BICRA: variants seen among roughly 807,000 people sequenced by gnomAD.
BICRA encodes the protein BRD4-interacting chromatin-remodeling complex-associated protein.
In BICRA, 31 loss-of-function variants were observed where a neutral mutation model predicts 96.9. The ratio of observed to expected loss-of-function variants is 0.32; its 90% CI spans 0.24 to 0.43. BICRA has a LOEUF of 0.43. BICRA is among the 20% of genes least tolerant of loss of function. The pLI is 1.00. For synonymous variants in BICRA, 1,350 were observed against 1,071.8 expected (o/e 1.26, Z -5.07); for missense variants, 2,283 against 2,190.3 (o/e 1.04, Z -0.84).
At chr19:47,649,957 C>T (rs1972517531) in intron 1 of BICRA, among the ~76,000 whole-genome samples, 1 of 151,780 alleles carries the variant, frequency 6.6e-6, no homozygotes. Context: ...CAGTTTTTGC[C>T]ATTACTTTTT....
Position 47,694,098 on chromosome 19 carries a change from C to G in BICRA, c.2284-17C>G. The G allele has an allele frequency of 7.0e-7, 1 of 1,425,898 alleles. No homozygotes were observed. The highest frequency in any genetic ancestry group is 9.2e-7 in the Non-Finnish European group (1 of 1,090,786). 88.3% of individuals were successfully genotyped at this position (1,425,898 alleles called of 1,614,324 possible). Reference sequence around the variant, plus strand: ...TCTGACCCCCGCCCCTCCCCTCTCCCTCCCTCCCCTGCCCAGATCCCGGCA... The same window carrying G: ...TCTGACCCCCGCCCCTCCCCTCTCCGTCCCTCCCCTGCCCAGATCCCGGCA... On this transcript the variant is annotated splice_polypyrimidine_tract_variant and intron_variant, in intron 7 of 14. Transcript: ENST00000594866.
chr19:47,691,531 C>T (rs576450044), intron 7 of BICRA, among the ~76,000 whole-genome samples: 1 of 152,158 alleles, frequency 6.6e-6, no homozygotes, highest in Non-Finnish European at 1.5e-5. Context: ...CCATTATACC[C>T]GTTTGCCCCT....
intron 1 of BICRA, among the ~76,000 whole-genome samples, chr19:47,655,733 G>A (rs1275967760): frequency 2.0e-5 from 3 of 148,212 alleles, no homozygotes; most frequent in African/African-American, 7.5e-5. Context: ...GCGGGCACCT[G>A]TAATCCCAGC....
intron 6 of BICRA, 147 bp downstream of exon 6, chr19:47,681,423 T>A: frequency 1.3e-6 from 1 of 742,314 alleles, no homozygotes; most frequent in Non-Finnish European, 2.2e-6. Context: ...AGGTGGCCCC[T>A]AAGAGGAGGC....
chr19:47,691,203 C>T (rs1973236262), intron 7 of BICRA, among the ~76,000 whole-genome samples: 1 of 152,238 alleles, frequency 6.6e-6, no homozygotes, highest in Admixed American at 6.5e-5. Context: ...CTCAGTGGGC[C>T]TCTCCAAAGG....
chr19:47,615,405 A>C (rs1216717237), intron 1 of BICRA, among the ~76,000 whole-genome samples: 1 of 152,124 alleles, frequency 6.6e-6, no homozygotes, highest in Admixed American at 6.6e-5. Flanking sequence ...CTTGTGTCTG[A>C]TGACCTCCTT....
intron 1 of BICRA, among the ~76,000 whole-genome samples, chr19:47,631,105 T>G (rs2123522762): frequency 6.6e-6 from 1 of 152,294 alleles, no homozygotes; most frequent in Non-Finnish European, 1.5e-5. Flanking sequence ...CTTTTGCCCA[T>G]TCTGGAGTGC....
At chr19:47,608,559 G>A (rs1045570746), upstream of BICRA, 1 of 152,186 alleles carries the variant, frequency 6.6e-6, no homozygotes, top group Non-Finnish European at 1.5e-5. Context: ...CGGCGGTCTG[G>A]GAGCGCGGAT....
chr19:47,652,924 C>T (rs1185613799), intron 1 of BICRA, among the ~76,000 whole-genome samples: 7 of 151,222 alleles, frequency 4.6e-5, no homozygotes, highest in East Asian at 1.9e-4. Flanking sequence ...CAGATGGTAA[C>T]GTTTTACACA....
rs554865843 is a variant in BICRA at position 47,667,080 on chromosome 19, A to G, written c.-107-3363A>G. On this transcript the variant is annotated intron_variant, in intron 1 of 14. Transcript: ENST00000594866. ...GTCGCCCAGGCTGGAGTGCAGTGGC[A>G]CGATCTCGGCTCACTGCAACCTCCG... Among the ~76,000 whole-genome samples the G allele has an allele frequency of 6.2e-3, 898 of 145,950 alleles. 2 individuals carry two copies. The highest frequency in any genetic ancestry group is 8.4e-3 in the Non-Finnish European group (556 of 66,558).
At chr19:47,691,488 C>CT (rs894758093) in intron 7 of BICRA, among the ~76,000 whole-genome samples, 2 of 152,194 alleles carry the variant, frequency 1.3e-5, no homozygotes, top group African/African-American at 2.4e-5. Flanking sequence ...TCTGTGTACA[C>CT]TTTTTTCTGA....
chr19:47,679,871 C>G lies in BICRA; in HGVS notation c.701C>G (p.Pro234Arg). The G allele has an allele frequency of 6.6e-7, 1 of 1,516,294 alleles. No homozygotes were observed. The highest frequency in any genetic ancestry group is 1.2e-5 in the South Asian group (1 of 81,580). The allele number at this position is 1,516,294 out of a possible 1,614,324, so 93.9% of individuals were successfully genotyped here. The change falls in exon 6 of 15, where the codon CCC (proline) becomes CGC (arginine). Residue 234 changes from proline to arginine, a missense_variant. By Grantham distance (103) the Pro-to-Arg change is moderately radical (BLOSUM62 -2). Transcript: ENST00000594866. ...GATAATLGLA[P>R]IQVVGQPVMA... ...ACGGCGGCCACACTGGGCCTGGCGCCCATCCAGGTGGTGGGCCAGCCCGTC... is the reference window on the plus strand; with the variant it reads ...ACGGCGGCCACACTGGGCCTGGCGCGCATCCAGGTGGTGGGCCAGCCCGTC...
chr19:47,634,984 G>A (rs892796138), intron 1 of BICRA, among the ~76,000 whole-genome samples: 7 of 151,830 alleles, frequency 4.6e-5, no homozygotes, highest in Admixed American at 3.3e-4. Context: ...AGATGGTCTC[G>A]ATCTCCTGAC....
At chr19:47,692,731 C>T (rs2123603919) in intron 7 of BICRA, among the ~76,000 whole-genome samples, 1 of 152,316 alleles carries the variant, frequency 6.6e-6, no homozygotes, top group African/African-American at 2.4e-5. Flanking sequence ...GGTTCTTTAA[C>T]TGTCAGAAGT....
intron 1 of BICRA, among the ~76,000 whole-genome samples, chr19:47,645,228 C>A (rs148357829): frequency 6.6e-6 from 1 of 152,294 alleles, no homozygotes; most frequent in Non-Finnish European, 1.5e-5. Flanking sequence ...TTTCCTCAGC[C>A]TTTCTTTGTG....
chr19:47,673,242 C>T (rs1376575590), intron 2 of BICRA, among the ~76,000 whole-genome samples: 2 of 152,050 alleles, frequency 1.3e-5, no homozygotes, highest in African/African-American at 2.4e-5. Context: ...AAAGTACAGG[C>T]CGTGGGACCC....
Position 47,680,055 on chromosome 19 carries a change from C to T in BICRA, c.885C>T (p.Ala295=), listed in dbSNP as rs1238719473. 7 of 1,558,334 alleles carry T rather than the reference C, an allele frequency of 4.5e-6. No individual in the cohort carries two copies. Among genetic ancestry groups the T allele is most frequent in the Admixed American group, 1.9e-5 (1 of 53,612 alleles). ...TGGTCATCCAGAAGAACCTCTCGGC[C>T]GCTGTGGCCACCACGCTCAATGGGA... ...AGLVIQKNLS[A]AVATTLNGNS... is the part of the protein sequence containing the mutation. Residue 295 remains alanine, a synonymous_variant, in exon 6 of 15, where the codon GCC becomes GCT. Coordinates refer to ENST00000594866, the MANE Select transcript of BICRA (RefSeq NM_001394372.1).
intron 1 of BICRA, among the ~76,000 whole-genome samples, chr19:47,624,006 C>T (rs890806211): frequency 2.0e-5 from 3 of 152,044 alleles, no homozygotes; most frequent in Admixed American, 1.3e-4. Flanking sequence ...CACGCACCAC[C>T]GCGCCCGGCT....
chr19:47,618,543 A>G (rs1972016563), intron 1 of BICRA, among the ~76,000 whole-genome samples: 1 of 152,096 alleles, frequency 6.6e-6, no homozygotes, highest in African/African-American at 2.4e-5. Context: ...CTAGGATTGC[A>G]GAGGAAGGGT....
Sources: allele counts gnomAD v4.1 joint callset (sites outside exome capture counted in the v4.1 genomes callset), GRCh38; gene constraint gnomAD v4.1.1; transcripts MANE v1.5; gene names NCBI Gene and HGNC (gene_info 2026-07-23, HGNC 2026-07-21).